PLIN4: variants seen among roughly 807,000 people sequenced by gnomAD.
PLIN4 encodes perilipin-4.
A neutral mutation model predicts 52.4 loss-of-function variants in PLIN4; 57 were observed. That is an observed-to-expected ratio of 1.09 (90% CI 0.88 to 1.36). The LOEUF (loss-of-function observed/expected upper bound fraction) is 1.36. Among genes scored for constraint, PLIN4 ranks in the 40% most tolerant of loss-of-function variants. The pLI, the probability that PLIN4 is intolerant of heterozygous loss-of-function variation, is 0.00. For missense variants in PLIN4, 1,757 were observed against 1,770.3 expected (o/e 0.99, Z 0.13); for synonymous variants, 826 against 785.4 (o/e 1.05, Z -0.86).
chr19:4,511,498 GCC>G lies in PLIN4; in HGVS notation c.2460_2461del (p.Ala821GlnfsTer74), dbSNP rs1390511339. 1 of 1,524,562 alleles carries G rather than the reference GCC, an allele frequency of 6.6e-7. No individual in the cohort carries two copies. The highest frequency in any genetic ancestry group is 1.8e-5 in the African/African-American group (1 of 54,714). The allele number at this position is 1,524,562 out of a possible 1,614,324, so 94.4% of individuals were successfully genotyped here. A position where few individuals can be genotyped will look rare whatever the true frequency, so the allele number is the denominator to read the frequency against. ...CTTGGTACCGGTCAGCACGGTCTTG[GCC>G]GTGTCTACACCCATCTGGACGGCCC... On this transcript the variant is annotated frameshift_variant, in exon 5 of 8. Transcript: ENST00000301286. LOFTEE classifies it high-confidence loss of function.
At position 4,517,511 on chromosome 19, in the gene PLIN4, T is replaced by C. The variant is rs57962807; in HGVS notation, c.196+43A>G. ...CGGGGAGCTCCTTCTCCCAGGTCCATGTGTAGAGTCCCCCCACGCCCCCAG... is the reference window on the plus strand; with the variant it reads ...CGGGGAGCTCCTTCTCCCAGGTCCACGTGTAGAGTCCCCCCACGCCCCCAG... On this transcript the variant is annotated intron_variant, in intron 3 of 7. Transcript: ENST00000301286. 5.0e-3 allele frequency: 7,857 copies of C among 1,580,642 alleles called. 336 individuals carry two copies. The African/African-American group carries it at 0.095, about 19-fold the overall frequency.
rs1051819900 is a variant in PLIN4, at chr19:4,513,611, C to T, written c.349G>A (p.Ala117Thr). 6.2e-7 allele frequency: 1 copy of T among 1,607,112 alleles called. No individual in the cohort carries two copies. The highest frequency in any genetic ancestry group is 1.7e-4 in the Middle Eastern group (1 of 6,048). Residue 117 changes from alanine (A) to threonine (T), a missense_variant, in exon 5 of 8, where the codon GCT (alanine) becomes ACT (threonine). By Grantham distance (58) the Ala-to-Thr change is moderately conservative. This residue lies in a region of PLIN4 where 332 missense variants were observed against 310.8 expected (regional missense o/e 1.07). Transcript: ENST00000301286. ...AGGCCTCCCTGGACCACTCCCTTAGCCACGTCCACCACGCTGGCCACCCCG... is the reference window on the plus strand; with the variant it reads ...AGGCCTCCCTGGACCACTCCCTTAGTCACGTCCACCACGCTGGCCACCCCG... ...SSGVASVVDV[A>T]KGVVQGGLDT...
chr19:4,506,469 T>C (rs1976096731), intron 6 of PLIN4, among the ~76,000 whole-genome samples: 1 of 152,224 alleles, frequency 6.6e-6, no homozygotes, highest in South Asian at 2.1e-4. Context: ...TTTCCAAGCA[T>C]CATCCAACGC....
chr19:4,511,450 G>T lies in PLIN4; in HGVS notation c.2510C>A (p.Thr837Asn), dbSNP rs530068630. ...ACCCTTGGCCACGTTCGCAGCACCG[G>T]TGACCCCACTGCAGACAGTGTCCTT... ...GTKDTVCSGVTGAANVAKGAV... is the reference protein window; with the variant it reads ...GTKDTVCSGVNGAANVAKGAV... The change falls in exon 5 of 8, where the codon ACC becomes AAC. Residue 837 changes from threonine (T) to asparagine (N), a missense_variant. By Grantham distance (65) the Thr-to-Asn change is moderately conservative (BLOSUM62 0). This residue lies in a region of PLIN4 where 76 missense variants were observed against 109.1 expected (regional missense o/e 0.70). Transcript: ENST00000301286. 1.4e-6 allele frequency: 2 copies of T among 1,440,390 alleles called. No individual in the cohort carries two copies. The highest frequency in any genetic ancestry group is 1.8e-6 in the Non-Finnish European group (2 of 1,081,418). 89.2% of individuals were successfully genotyped at this position (1,440,390 alleles called of 1,614,324 possible). A position where few individuals can be genotyped will look rare whatever the true frequency, so the allele number is the denominator to read the frequency against.
intron 4 of PLIN4, among the ~76,000 whole-genome samples, chr19:4,515,274 T>G (rs1048461674): frequency 5.3e-5 from 8 of 151,758 alleles, no homozygotes; most frequent in Admixed American, 5.3e-4. Flanking sequence ...ACTTTTTTTG[T>G]TTGTTTGTTT....
chr19:4,504,097 G>A lies in PLIN4; in HGVS notation c.*362C>T, dbSNP rs1352187630. 4.7e-6 allele frequency: 1 copy of A among 211,778 alleles called. No homozygotes were observed. The allele number at this position is 211,778 out of a possible 1,614,324, so 13.1% of individuals were successfully genotyped here. On this transcript the variant is annotated 3_prime_UTR_variant, in exon 8 of 8. Coordinates refer to ENST00000301286, the MANE Select transcript of PLIN4 (RefSeq NM_001367868.2). ...TGCTAGATATAAAAGGGTTGCTAGC[G>A]GGGCAAACAGATGCCCTTCCAGGCT...
In PLIN4 at chr19:4,511,715, G is replaced by C; in HGVS notation, c.2245C>G (p.Gln749Glu). 2.6e-6 allele frequency: 3 copies of C among 1,174,472 alleles called. No individual in the cohort carries two copies. Among genetic ancestry groups the C allele is most frequent in the Non-Finnish European group, 2.4e-6 (2 of 845,510 alleles). 72.8% of individuals were successfully genotyped at this position (1,174,472 alleles called of 1,614,324 possible). The change falls in exon 5 of 8, where the codon CAA (glutamine) becomes GAA (glutamate). Residue 749 changes from glutamine to glutamate, a missense_variant. Transcript: ENST00000301286. ...GACTTTGTAGTGTCCAGGCCCCCTT[G>C]GATGGCCCCTTTGGCCACATTCGCA... is the stretch of plus-strand genomic sequence containing the variant. The part of the protein sequence containing the change: ...GAANVAKGAI[Q>E]GGLDTTKSVL...
In PLIN4 at chr19:4,511,244, C is replaced by T. The variant is rs368834063; in HGVS notation, c.2716G>A (p.Val906Met). Reference protein sequence around the residue: ...DAVSTGLTGAVNLAKGTVQTG... With the variant: ...DAVSTGLTGAMNLAKGTVQTG... Reference sequence around the variant, plus strand: ...TGGACAGTCCCTTTGGCCAAGTTCACAGCCCCTGTGAGCCCAGTGGACACG... The same window carrying T: ...TGGACAGTCCCTTTGGCCAAGTTCATAGCCCCTGTGAGCCCAGTGGACACG... The change falls in exon 5 of 8, where the codon GTG (valine) becomes ATG (methionine). Residue 906 changes from valine (V) to methionine (M), a missense_variant. Val to Met is a conservative substitution (Grantham distance 21). This residue lies in a region of PLIN4 where 712 missense variants were observed against 637.1 expected (regional missense o/e 1.12). Coordinates refer to ENST00000301286, the MANE Select transcript of PLIN4 (RefSeq NM_001367868.2). 2 of 1,611,172 alleles carry T rather than the reference C, an allele frequency of 1.2e-6. No homozygotes were observed. The highest frequency in any genetic ancestry group is 8.5e-7 in the Non-Finnish European group (1 of 1,178,150).
Position 4,511,363 on chromosome 19 carries a change from CCAAGGGTGTTCTTTGT to C in PLIN4, c.2581_2596del (p.Thr861AlafsTer4), listed in dbSNP as rs1976324711. On this transcript the variant is annotated frameshift_variant, in exon 5 of 8. Coordinates refer to ENST00000301286, the MANE Select transcript of PLIN4 (RefSeq NM_001367868.2). LOFTEE classifies it high-confidence loss of function. ...TTTCGCAGCACCGGTCACCCCACTGCCAAGGGTGTTCTTTGTACCTGTTGCGATATTTTGGGTCGTT... is the reference window on the plus strand; with the variant it reads ...TTTCGCAGCACCGGTCACCCCACTGCACCTGTTGCGATATTTTGGGTCGTT... 8.3e-7 allele frequency: 1 copy of C among 1,202,294 alleles called. No homozygotes were observed. Among genetic ancestry groups the C allele is most frequent in the African/African-American group, 1.7e-5 (1 of 60,592 alleles). 74.5% of individuals were successfully genotyped at this position (1,202,294 alleles called of 1,614,324 possible). A position where few individuals can be genotyped will look rare whatever the true frequency, so the allele number is the denominator to read the frequency against.
chr19:4,509,194 C>A (rs1976201204), intron 5 of PLIN4, among the ~76,000 whole-genome samples: 1 of 148,872 alleles, frequency 6.7e-6, no homozygotes, highest in Non-Finnish European at 1.5e-5. Flanking sequence ...GCCTGTAGTC[C>A]CAGCTACTCG....
At position 4,512,835 on chromosome 19, in the gene PLIN4, G is replaced by A. The variant is rs61730743; in HGVS notation, c.1125C>T (p.Thr375=). Residue 375 remains threonine, a synonymous_variant, in exon 5 of 8, where the codon ACC becomes ACT. Coordinates refer to ENST00000301286, the MANE Select transcript of PLIN4 (RefSeq NM_001367868.2). ...CCTCTTTGGCCAAGTTCACGGCACCGGTCACCCCACTGCAGACAGTGTTCT... is the reference window on the plus strand; with the variant it reads ...CCTCTTTGGCCAAGTTCACGGCACCAGTCACCCCACTGCAGACAGTGTTCT... ...GTKNTVCSGV[T]GAVNLAKEAI... 80 of 1,563,948 alleles carry A rather than the reference G, an allele frequency of 5.1e-5. 10 individuals are homozygous for A. The highest frequency in any genetic ancestry group is 4.9e-4 in the Admixed American group (29 of 58,634).
rs113192831 is a variant in PLIN4 at position 4,508,681 on chromosome 19, C to T, written c.3702+87G>A. 4.7e-4 allele frequency: 637 copies of T among 1,363,446 alleles called. 4 individuals carry two copies. In the African/African-American group the frequency reaches 7.7e-3, roughly 16 times the overall value. The allele number at this position is 1,363,446 out of a possible 1,614,324, so 84.5% of individuals were successfully genotyped here. On this transcript the variant is annotated intron_variant, in intron 6 of 7. Transcript: ENST00000301286. Reference sequence around the variant, plus strand: ...CTGACAGCATCATCTCCTAGGTGCTCAGTCAGTATCTGCAGCTGGGTGAGT... The same window carrying T: ...CTGACAGCATCATCTCCTAGGTGCTTAGTCAGTATCTGCAGCTGGGTGAGT...
intron 4 of PLIN4, among the ~76,000 whole-genome samples, chr19:4,515,180 TA>T (rs201911870): frequency 0.064 from 9,617 of 150,494 alleles, 1,047 homozygotes; most frequent in African/African-American, 0.22. Context: ...TCTCAAAAGA[TA>T]AAAAAAAATT....
rs1568232807 is a variant in PLIN4 at position 4,512,038 on chromosome 19, G to A, written c.1922C>T (p.Ala641Val). 2.5e-6 allele frequency: 4 copies of A among 1,612,870 alleles called. No individual in the cohort carries two copies. In the South Asian group the frequency reaches 3.3e-5, roughly 13 times the overall value. ...KDTIYSGVTS[A>V]VNVAKGAVQT... The stretch of plus-strand genomic sequence containing the variant: ...CACAGCCCCCTTGGCCACGTTCACG[G>A]CACTGGTGACCCCACTGTAGATGGT... Residue 641 changes from alanine to valine, a missense_variant, in exon 5 of 8, where the codon GCC (alanine) becomes GTC (valine). Around this residue, in one of 7 missense-constraint regions of PLIN4, gnomAD observed 439 missense variants for 406.4 expected, o/e 1.08. Coordinates refer to ENST00000301286, the MANE Select transcript of PLIN4 (RefSeq NM_001367868.2).
rs1568232498 is a variant in PLIN4, at chr19:4,511,919, C to G, written c.2041G>C (p.Ala681Pro). ...VTSAVNVAKG[A>P]AQTGVDTAKT... ...GCCGTGTCTACACCTGTCTGGGCAG[C>G]CCCTTTGGCCACATTCACAGCACTG... Residue 681 changes from alanine to proline, a missense_variant, in exon 5 of 8, where the codon GCT becomes CCT. By Grantham distance (27) the Ala-to-Pro change is conservative. Transcript: ENST00000301286. The G allele has an allele frequency of 6.3e-7, 1 of 1,597,596 alleles. No individual in the cohort carries two copies.
chr19:4,515,454 A>T (rs550953525), intron 4 of PLIN4, among the ~76,000 whole-genome samples: 1 of 151,986 alleles, frequency 6.6e-6, no homozygotes, highest in African/African-American at 2.4e-5. Flanking sequence ...TTTTTAGTAG[A>T]GATGAGGTTT....
chr19:4,516,020 A>G (rs972233772), intron 4 of PLIN4, among the ~76,000 whole-genome samples: 1 of 152,208 alleles, frequency 6.6e-6, no homozygotes, highest in Admixed American at 6.5e-5. Flanking sequence ...AATGCCTGTA[A>G]TCCCAGCACT....
rs1976036012 is a variant in PLIN4, at chr19:4,504,711, G to A, written c.3864C>T (p.Val1288=). 3 of 1,601,686 alleles carry A rather than the reference G, an allele frequency of 1.9e-6. No homozygotes were observed. The East Asian group carries it at 6.7e-5, about 36-fold the overall frequency. The change falls in exon 8 of 8, where the codon GTC becomes GTT. Residue 1288 remains valine, a synonymous_variant. Transcript: ENST00000301286. The part of the protein sequence containing the change: ...RQLHTAYSGL[V]SSLQGLPAEL... ...CGGCGGGCAGGCCCTGGAGGCTGGA[G>A]ACCAGGCCACTGTAGGCCGTGTGCA...
In PLIN4 at chr19:4,511,414, G is replaced by C. The variant is rs746791137; in HGVS notation, c.2546C>G (p.Thr849Ser). 1 of 1,535,528 alleles carries C rather than the reference G, an allele frequency of 6.5e-7. No homozygotes were observed. Among genetic ancestry groups the C allele is most frequent in the Non-Finnish European group, 8.9e-7 (1 of 1,124,646 alleles). The change falls in exon 5 of 8, where the codon ACT (threonine) becomes AGT (serine). Residue 849 changes from threonine (T) to serine (S), a missense_variant. Thr to Ser is a moderately conservative substitution (Grantham distance 58). This residue lies in a region of PLIN4 where 76 missense variants were observed against 109.1 expected (regional missense o/e 0.70). Transcript: ENST00000301286. ...AANVAKGAVQTGLKTTQNIAT... is the reference protein window; with the variant it reads ...AANVAKGAVQSGLKTTQNIAT... ...GATATTTTGGGTCGTTTTCAGCCCA[G>C]TTTGCACAGCACCCTTGGCCACGTT...
Sources: allele counts gnomAD v4.1 joint callset (sites outside exome capture counted in the v4.1 genomes callset), GRCh38; gene constraint gnomAD v4.1.1; regional missense constraint gnomAD v4.1.1; transcripts MANE v1.5; gene names NCBI Gene and HGNC (gene_info 2026-07-23, HGNC 2026-07-21).